Variants in CPED1 observed in about 807,000 individuals in gnomAD.
CPED1 encodes the protein cadherin-like and PC-esterase domain-containing protein 1.
In CPED1, 114 loss-of-function variants were observed where a neutral mutation model predicts 128.2. The observed-to-expected ratio is 0.89, with a 90% CI of 0.76 to 1.04. The LOEUF (loss-of-function observed/expected upper bound fraction) is 1.04, where lower values mean the gene tolerates loss of function less well. Among genes scored for constraint, CPED1 ranks in the 50% least tolerant of loss-of-function variants. The pLI is 0.00. For synonymous variants in CPED1, 462 were observed against 426.7 expected (o/e 1.08, Z -1.02); for missense variants, 1,211 against 1,207.1 (o/e 1.00, Z -0.05).
At chr7:121,279,605 G>T (rs1792408535) in intron 22 of CPED1, among the ~76,000 whole-genome samples, 1 of 152,148 alleles carries the variant, frequency 6.6e-6, no homozygotes, top group East Asian at 1.9e-4. Context: ...AGGCATACTT[G>T]CTGTTCAGAT....
At chr7:121,150,319 G>T (rs1404627938) in intron 16 of CPED1, among the ~76,000 whole-genome samples, 2 of 151,648 alleles carry the variant, frequency 1.3e-5, no homozygotes, top group Non-Finnish European at 2.9e-5. Context: ...TTTTGTTCCT[G>T]CATCAATTCC....
chr7:121,021,500 T>A (rs1157979491), intron 3 of CPED1, among the ~76,000 whole-genome samples: 1 of 152,032 alleles, frequency 6.6e-6, no homozygotes, highest in Non-Finnish European at 1.5e-5. Flanking sequence ...TTCACATTTT[T>A]CTTTTTATTT....
At chr7:121,174,041 T>A (rs1480546295) in intron 16 of CPED1, among the ~76,000 whole-genome samples, 1 of 152,126 alleles carries the variant, frequency 6.6e-6, no homozygotes, top group Non-Finnish European at 1.5e-5. Context: ...AAAGTGTGTA[T>A]TAAAGTCTTT....
At chr7:121,059,425 A>T (rs7808486) in intron 4 of CPED1, among the ~76,000 whole-genome samples, 50 of 152,304 alleles carry the variant, frequency 3.3e-4, no homozygotes, top group African/African-American at 9.4e-4. Flanking sequence ...CTTTGGGAGA[A>T]GTTCTAATTT....
intron 4 of CPED1, among the ~76,000 whole-genome samples, chr7:121,060,171 T>C (rs532891334): frequency 3.7e-4 from 56 of 152,328 alleles, no homozygotes; most frequent in Non-Finnish European, 5.7e-4. Flanking sequence ...AGTGGCGCTG[T>C]GCTCGATTTC....
chr7:121,115,107 C>A (rs924861809), intron 7 of CPED1, among the ~76,000 whole-genome samples: 7 of 152,072 alleles, frequency 4.6e-5, no homozygotes, highest in Non-Finnish European at 8.8e-5. Flanking sequence ...AAGATGATGA[C>A]TGGTGGCAAT....
At chr7:121,142,747 T>A (rs1054927779) in intron 16 of CPED1, among the ~76,000 whole-genome samples, 1 of 152,036 alleles carries the variant, frequency 6.6e-6, no homozygotes, top group African/African-American at 2.4e-5. Flanking sequence ...TTTTCCCTAT[T>A]TTTGCTCTTT....
Position 121,173,298 on chromosome 7 carries a change from A to G in CPED1, c.2055+31157A>G, listed in dbSNP as rs531272787. On this transcript the variant is annotated intron_variant, in intron 16 of 22. Coordinates refer to ENST00000310396, the MANE Select transcript of CPED1 (RefSeq NM_024913.5). ...TCATGGTTACATGTGCAGGTTTGTT[A>G]CATAGGTAAATTTGTGTCACAGGGA... Among the ~76,000 whole-genome samples, 13 of 152,198 alleles carry G rather than the reference A, an allele frequency of 8.5e-5. No homozygotes were observed. The South Asian group carries it at 2.7e-3, about 32-fold the overall frequency.
intron 22 of CPED1, among the ~76,000 whole-genome samples, chr7:121,283,009 A>G (rs933111283): frequency 2.0e-5 from 3 of 152,204 alleles, no homozygotes; most frequent in African/African-American, 7.2e-5. Context: ...ATACTTTTTC[A>G]TTACAAAAGG....
intron 16 of CPED1, among the ~76,000 whole-genome samples, chr7:121,150,217 C>T (rs960259060): frequency 6.7e-6 from 1 of 150,320 alleles, no homozygotes; most frequent in Non-Finnish European, 1.5e-5. Flanking sequence ...CCTTTCTCCC[C>T]CATCTAGTAT....
intron 22 of CPED1, among the ~76,000 whole-genome samples, chr7:121,280,719 CA>C (rs1792445853): frequency 6.6e-6 from 1 of 152,122 alleles, no homozygotes; most frequent in Non-Finnish European, 1.5e-5. Context: ...TATTATCTGT[CA>C]AAATTGCATG....
chr7:121,215,422 A>G (rs1797739520), intron 16 of CPED1, among the ~76,000 whole-genome samples: 1 of 152,106 alleles, frequency 6.6e-6, no homozygotes, highest in Non-Finnish European at 1.5e-5. Context: ...AATTTAAAAA[A>G]CAACATATTT....
intron 2 of CPED1, 109 bp from the exon 3 acceptor site, chr7:121,015,556 G>T (rs1306887127): frequency 9.8e-7 from 1 of 1,019,010 alleles, no homozygotes; most frequent in African/African-American, 1.7e-5. Flanking sequence ...CACTTCTAGA[G>T]AAAAACTTTA....
chr7:121,154,170 T>A (rs1309064912), intron 16 of CPED1, among the ~76,000 whole-genome samples: 2 of 152,242 alleles, frequency 1.3e-5, no homozygotes, highest in Non-Finnish European at 1.5e-5. Context: ...GTGTTGCAAG[T>A]ATCCACATAA....
intron 2 of CPED1, among the ~76,000 whole-genome samples, chr7:120,994,657 G>GTGT (rs1554418494): frequency 3.3e-5 from 5 of 149,304 alleles, no homozygotes; most frequent in East Asian, 3.9e-4. Flanking sequence ...GTGTGTGTGT[G>GTGT]TGTTGTTGTT....
intron 22 of CPED1, among the ~76,000 whole-genome samples, chr7:121,275,053 G>A (rs761172610): frequency 6.6e-6 from 1 of 152,054 alleles, no homozygotes; most frequent in Non-Finnish European, 1.5e-5. Context: ...ATCTTCTGAT[G>A]TTCAACTAAA....
At chr7:121,057,207 T>C (rs1242022262) in intron 4 of CPED1, among the ~76,000 whole-genome samples, 1 of 152,188 alleles carries the variant, frequency 6.6e-6, no homozygotes, top group African/African-American at 2.4e-5. Flanking sequence ...CTCGAACTTC[T>C]GACCTCTTGA....
intron 5 of CPED1, among the ~76,000 whole-genome samples, chr7:121,096,126 T>C (rs1182330576): frequency 6.6e-6 from 1 of 152,164 alleles, no homozygotes; most frequent in Non-Finnish European, 1.5e-5. Context: ...GGCTGTTCAT[T>C]CATCACCTCC....
chr7:121,260,357 A>G (rs1791987580), intron 18 of CPED1, among the ~76,000 whole-genome samples: 1 of 151,368 alleles, frequency 6.6e-6, no homozygotes, highest in South Asian at 2.1e-4. Context: ...ATTAAAATGC[A>G]CAATTGGAAA....
Sources: gnomAD v4.1 joint callset for allele counts (sites outside exome capture counted in the v4.1 genomes callset) on GRCh38, gnomAD v4.1.1 for gene constraint, MANE v1.5 for transcripts, NCBI Gene and HGNC (gene_info 2026-07-23, HGNC 2026-07-21) for gene names.